PPIG: variants seen among roughly 807,000 people sequenced by gnomAD.
The protein encoded by PPIG is peptidylprolyl isomerase G.
PPIG carries 26 observed loss-of-function variants against 87.9 expected under a neutral mutation model. The observed-to-expected ratio is 0.30, with a 90% CI of 0.22 to 0.41. PPIG has a LOEUF of 0.41. Among genes scored for constraint, PPIG ranks in the 10% least tolerant of loss-of-function variants. PPIG has a pLI of 1.00. For missense variants in PPIG, 722 were observed against 879.4 expected, an observed-to-expected ratio of 0.82 and a Z score of 2.26; for synonymous variants, 308 against 276.5, an observed-to-expected ratio of 1.11 and a Z score of -1.13.
intron 1 of PPIG, among the ~76,000 whole-genome samples, chr2:169,593,122 G>A (rs938075681): frequency 1.4e-5 from 2 of 142,748 alleles, no homozygotes; most frequent in Non-Finnish European, 3.1e-5. Flanking sequence ...AGAAGACTGT[G>A]TGTGTATATA....
At chr2:169,595,607 A>G (rs746269162) in intron 1 of PPIG, among the ~76,000 whole-genome samples, 44 of 152,048 alleles carry the variant, frequency 2.9e-4, no homozygotes, top group Non-Finnish European at 5.9e-4. Context: ...TCTTATCTCC[A>G]AGAGTTCAAT....
chr2:169,599,122 A>G (rs569668974), intron 1 of PPIG, among the ~76,000 whole-genome samples: 1 of 152,118 alleles, frequency 6.6e-6, no homozygotes, highest in Non-Finnish European at 1.5e-5. Context: ...TGTAATATGG[A>G]TATTTGTTGT....
At chr2:169,607,271 TC>T in intron 6 of PPIG, 123 bp downstream of exon 6, 1 of 566,182 alleles carries the variant, frequency 1.8e-6, no homozygotes, top group Non-Finnish European at 2.9e-6. Context: ...CTTCAACTAA[TC>T]TGAAGGTTAA....
chr2:169,631,026 G>C (rs1287841995), intron 10 of PPIG, 39 bp downstream of exon 10: 1 of 1,485,598 alleles, frequency 6.7e-7, no homozygotes, highest in Non-Finnish European at 9.0e-7. Flanking sequence ...TTTATATTCT[G>C]ATTTCCTTTC....
intron 1 of PPIG, among the ~76,000 whole-genome samples, chr2:169,586,564 A>T (rs1389892452): frequency 6.6e-6 from 1 of 152,076 alleles, no homozygotes; most frequent in East Asian, 1.9e-4. Flanking sequence ...TGTGGTGCTT[A>T]TTATTGTGGT....
chr2:169,598,383 C>T (rs1282186432), intron 1 of PPIG, among the ~76,000 whole-genome samples: 4 of 151,868 alleles, frequency 2.6e-5, no homozygotes, highest in Non-Finnish European at 2.9e-5. Context: ...CTCTGCCTCC[C>T]GGGTTCACAC....
chr2:169,630,667 C>A, intron 9 of PPIG, 107 bp from the exon 10 acceptor site: 2 of 923,520 alleles, frequency 2.2e-6, no homozygotes, highest in Non-Finnish European at 1.7e-6. Context: ...GCTGGATGAT[C>A]TAAGTGCTAA....
At position 169,641,289 on chromosome 2, in the gene PPIG, T is replaced by C. The variant is rs991111184; in HGVS notation, c.*3766T>C. On this transcript the variant is annotated 3_prime_UTR_variant, in exon 14 of 14. Coordinates refer to ENST00000260970, the MANE Select transcript of PPIG (RefSeq NM_004792.3). Reference sequence around the variant, plus strand: ...TAGTTTCAAAATGCTGCTTCTCTTATCATTAGTCTAGTAATTGTTGAACTT... The same window carrying C: ...TAGTTTCAAAATGCTGCTTCTCTTACCATTAGTCTAGTAATTGTTGAACTT... The C allele has an allele frequency of 3.3e-5, 5 of 152,204 alleles. No homozygotes were observed. The East Asian group carries it at 7.7e-4, about 23-fold the overall frequency. 9.4% of individuals were successfully genotyped at this position (152,204 alleles called of 1,614,324 possible).
At chr2:169,608,474 A>T (rs1458795163) in intron 6 of PPIG, among the ~76,000 whole-genome samples, 197 bp from the exon 7 acceptor site, 1 of 152,036 alleles carries the variant, frequency 6.6e-6, no homozygotes, top group Non-Finnish European at 1.5e-5. Context: ...TGGGCAACAG[A>T]GCGAGACTCC....
intron 1 of PPIG, chr2:169,584,723 C>T (rs1684649583): frequency 1.9e-5 from 6 of 315,732 alleles, no homozygotes; most frequent in South Asian, 1.2e-4. Flanking sequence ...AGCCCCGGGG[C>T]CTGGGGACGG....
At chr2:169,597,699 A>G (rs373200185) in intron 1 of PPIG, among the ~76,000 whole-genome samples, 67 of 152,090 alleles carry the variant, frequency 4.4e-4, no homozygotes, top group African/African-American at 1.6e-3. Flanking sequence ...TGGTTTCGCC[A>G]TGTTGGCCAG....
At chr2:169,630,750 A>C in intron 9 of PPIG, 24 bp from the exon 10 acceptor site, 1 of 1,569,152 alleles carries the variant, frequency 6.4e-7, no homozygotes. Flanking sequence ...ATTGTTGATC[A>C]AAACCTTTTT....
In PPIG at chr2:169,637,030, A is replaced by G. The variant is rs927116255; in HGVS notation, c.1772A>G (p.His591Arg). 6 of 1,613,820 alleles carry G rather than the reference A, an allele frequency of 3.7e-6. No individual in the cohort carries two copies. The highest frequency in any genetic ancestry group is 2.7e-5 in the African/African-American group (2 of 74,928). The change falls in exon 14 of 14, where the codon CAT (histidine) becomes CGT (arginine). Residue 591 changes from histidine (H) to arginine (R), a missense_variant. By Grantham distance (29) the His-to-Arg change is conservative. This residue lies in a region of PPIG where 476 missense variants were observed against 483.1 expected (regional missense o/e 0.99). Coordinates refer to ENST00000260970, the MANE Select transcript of PPIG (RefSeq NM_004792.3). ...DRDRSRSKEY[H>R]RYREQEYRRR... ...GATCGCAGCAGAAGCAAGGAGTACCATAGATACAGAGAACAGGAATACAGG... is the reference window on the plus strand; with the variant it reads ...GATCGCAGCAGAAGCAAGGAGTACCGTAGATACAGAGAACAGGAATACAGG...
At chr2:169,630,560 C>T (rs1320339672) in intron 9 of PPIG, among the ~76,000 whole-genome samples, 3 of 152,036 alleles carry the variant, frequency 2.0e-5, no homozygotes, top group Admixed American at 1.3e-4. Flanking sequence ...TTTTAAAGTT[C>T]TTTGGATTAA....
At chr2:169,585,270 C>CTCTTTTTTTTT (rs1553542352) in intron 1 of PPIG, among the ~76,000 whole-genome samples, 1 of 118,758 alleles carries the variant, frequency 8.4e-6, no homozygotes, top group African/African-American at 3.2e-5. Context: ...CTTGGTTAGT[C>CTCTTTTTTTTT]TTTTTTTTTG....
chr2:169,622,728 G>C (rs1440532836), intron 9 of PPIG, among the ~76,000 whole-genome samples: 1 of 152,176 alleles, frequency 6.6e-6, no homozygotes, highest in Non-Finnish European at 1.5e-5. Context: ...TTGGGCCCCT[G>C]TTATTCCATA....
chr2:169,607,080 T>C (rs377435967), intron 5 of PPIG, 24 bp from the exon 6 acceptor site: 8 of 1,501,240 alleles, frequency 5.3e-6, no homozygotes, highest in Non-Finnish European at 7.4e-6. Context: ...CTGAGAGTTA[T>C]AAGAGTATGT....
chr2:169,637,406 C>G lies in PPIG; in HGVS notation c.2148C>G (p.Ser716=). 6.2e-7 allele frequency: 1 copy of G among 1,612,766 alleles called. No individual in the cohort carries two copies. The highest frequency in any genetic ancestry group is 2.2e-5 in the East Asian group (1 of 44,832). Residue 716 remains serine, a synonymous_variant, in exon 14 of 14, where the codon TCC becomes TCG. Coordinates refer to ENST00000260970, the MANE Select transcript of PPIG (RefSeq NM_004792.3). The part of the protein sequence containing the change: ...LKNKEDEKIR[S]SVEKENQKSK... Reference sequence around the variant, plus strand: ...ATAAGGAGGATGAGAAGATCAGATCCTCAGTGGAAAAAGAAAACCAAAAAT... The same window carrying G: ...ATAAGGAGGATGAGAAGATCAGATCGTCAGTGGAAAAAGAAAACCAAAAAT...
At chr2:169,603,454 G>A (rs1346391834) in intron 1 of PPIG, among the ~76,000 whole-genome samples, 188 bp from the exon 2 acceptor site, 2 of 151,754 alleles carry the variant, frequency 1.3e-5, no homozygotes, top group Non-Finnish European at 2.9e-5. Flanking sequence ...AAAATTGAAT[G>A]TGCTTTTACT....
Sources: allele counts gnomAD v4.1 joint callset (sites outside exome capture counted in the v4.1 genomes callset), GRCh38; gene constraint gnomAD v4.1.1; regional missense constraint gnomAD v4.1.1; transcripts MANE v1.5; gene names NCBI Gene and HGNC (gene_info 2026-07-23, HGNC 2026-07-21).